Variants in AGBL4 observed in about 807,000 individuals in gnomAD.
The protein encoded by AGBL4 is cytosolic carboxypeptidase 6.
Under a neutral mutation model 66.4 loss-of-function variants are expected in AGBL4, and 58 were observed. The ratio of observed to expected loss-of-function variants is 0.87; its 90% CI spans 0.71 to 1.09. The LOEUF is 1.09. Among genes scored for constraint, AGBL4 ranks in the 50% least tolerant of loss-of-function variants. The probability of loss-of-function intolerance (pLI) is 0.00; values close to 1 mark genes in which losing one functional copy is unlikely to be tolerated. For missense variants in AGBL4, 579 were observed against 631.0 expected, an observed-to-expected ratio of 0.92 and a Z score of 0.88; for synonymous variants, 234 against 222.9, an observed-to-expected ratio of 1.05 and a Z score of -0.44.
intron 2 of AGBL4, among the ~76,000 whole-genome samples, chr1:49,807,491 CACATA>C (rs1254726163): frequency 6.6e-6 from 1 of 152,178 alleles, no homozygotes; most frequent in Non-Finnish European, 1.5e-5. Context: ...AATGTGAAAG[CACATA>C]ACATGTGTGA....
At chr1:49,783,354 G>A (rs918553293) in intron 2 of AGBL4, among the ~76,000 whole-genome samples, 1 of 152,020 alleles carries the variant, frequency 6.6e-6, no homozygotes, top group East Asian at 1.9e-4. Flanking sequence ...TTTATTCCAG[G>A]CATGCAAGGT....
At chr1:48,977,139 A>G (rs1411187871) in intron 5 of AGBL4, among the ~76,000 whole-genome samples, 4 of 152,148 alleles carry the variant, frequency 2.6e-5, no homozygotes, top group Admixed American at 2.6e-4. Context: ...AGGAAGGCTA[A>G]CAATGCATGA....
chr1:49,423,068 A>G, intron 3 of AGBL4: 1 of 152,162 alleles, frequency 6.6e-6, no homozygotes, highest in Non-Finnish European at 1.5e-5. Flanking sequence ...CTTACCTCCA[A>G]TAGGATGCAA....
intron 6 of AGBL4, among the ~76,000 whole-genome samples, chr1:48,838,607 G>A (rs1332615346): frequency 1.3e-5 from 2 of 152,068 alleles, no homozygotes; most frequent in Non-Finnish European, 1.5e-5. Context: ...TTGGGAAAAT[G>A]CTTTAGGACA....
At chr1:48,751,110 T>C (rs1651668739) in intron 6 of AGBL4, among the ~76,000 whole-genome samples, 1 of 152,134 alleles carries the variant, frequency 6.6e-6, no homozygotes, top group Admixed American at 6.5e-5. Flanking sequence ...CAGTTGTCCA[T>C]CTATAAGATA....
At chr1:49,518,208 C>A (rs1468283640) in intron 3 of AGBL4, among the ~76,000 whole-genome samples, 2 of 152,182 alleles carry the variant, frequency 1.3e-5, no homozygotes. Flanking sequence ...TTCATTCAGT[C>A]TGGAGGCCAA....
intron 5 of AGBL4, among the ~76,000 whole-genome samples, chr1:48,961,089 G>A (rs931126889): frequency 3.9e-5 from 6 of 151,940 alleles, no homozygotes; most frequent in African/African-American, 1.5e-4. Flanking sequence ...GGGTGTGTGT[G>A]TGTGTGTGTG....
intron 4 of AGBL4, among the ~76,000 whole-genome samples, chr1:49,204,904 C>T (rs1173964288): frequency 6.6e-6 from 1 of 152,088 alleles, no homozygotes; most frequent in Admixed American, 6.6e-5. Flanking sequence ...CTAATGACAT[C>T]ATAGATTCAG....
chr1:49,457,959 A>G (rs80341153), intron 3 of AGBL4, among the ~76,000 whole-genome samples: 3 of 151,720 alleles, frequency 2.0e-5, no homozygotes, highest in Admixed American at 1.3e-4. Flanking sequence ...TTTGGTGACT[A>G]TGACCTTATA....
chr1:49,562,208 G>C (rs1357140514), intron 3 of AGBL4, among the ~76,000 whole-genome samples: 1 of 151,952 alleles, frequency 6.6e-6, no homozygotes, highest in Non-Finnish European at 1.5e-5. Context: ...CTGGATATTA[G>C]CCCTCTGTCA....
In AGBL4 at chr1:48,829,119, T is replaced by C. The variant is rs78187821; in HGVS notation, c.634+38072A>G. Among the ~76,000 whole-genome samples, 284 of 152,330 alleles carry C rather than the reference T, an allele frequency of 1.9e-3. 1 individual carries two copies. In the Middle Eastern group the frequency reaches 0.027, roughly 15 times the overall value. On this transcript the variant is annotated intron_variant, in intron 6 of 13. Transcript: ENST00000371839. Reference sequence around the variant, plus strand: ...TTTGGGAGCTTGTTCCTGCCACTCATCATCAGAAACAGTCATGAGCACTTG... The same window carrying C: ...TTTGGGAGCTTGTTCCTGCCACTCACCATCAGAAACAGTCATGAGCACTTG...
chr1:49,725,488 C>T (rs1189233762), intron 2 of AGBL4, among the ~76,000 whole-genome samples: 1 of 152,070 alleles, frequency 6.6e-6, no homozygotes, highest in African/African-American at 2.4e-5. Flanking sequence ...CTATGCTGGG[C>T]TGTCCAGCTC....
Position 49,475,475 on chromosome 1 carries a change from A to AT in AGBL4, c.282+221837dup, listed in dbSNP as rs757525301. Among the ~76,000 whole-genome samples, 236 of 152,028 alleles carry AT rather than the reference A, an allele frequency of 1.6e-3. 2 individuals carry two copies. The highest frequency in any genetic ancestry group is 2.8e-3 in the Non-Finnish European group (190 of 67,916). On this transcript the variant is annotated intron_variant, in intron 3 of 13. Transcript: ENST00000371839. Reference sequence around the variant, plus strand: ...TGAGTCAGAGAGGAGTCTCTCCTCAATTTTTTTGGAATTGTTTCAGTAGGA... The same window carrying AT: ...TGAGTCAGAGAGGAGTCTCTCCTCAATTTTTTTTGGAATTGTTTCAGTAGGA...
At chr1:49,855,401 G>T (rs148540914) in intron 1 of AGBL4, among the ~76,000 whole-genome samples, 1 of 152,174 alleles carries the variant, frequency 6.6e-6, no homozygotes, top group East Asian at 1.9e-4. Context: ...AGACCAAATG[G>T]ACATAACAGA....
intron 3 of AGBL4, among the ~76,000 whole-genome samples, chr1:49,476,645 A>C (rs1379439017): frequency 1.3e-5 from 2 of 152,090 alleles, no homozygotes; most frequent in Admixed American, 6.6e-5. Flanking sequence ...TGAACACATT[A>C]TCATTATATA....
intron 3 of AGBL4, among the ~76,000 whole-genome samples, chr1:49,262,620 C>T (rs914759764): frequency 6.9e-6 from 1 of 144,878 alleles, no homozygotes; most frequent in Admixed American, 6.9e-5. Context: ...CATCTCACAC[C>T]AGTTAGAATG....
chr1:49,642,232 C>T (rs770822674), intron 3 of AGBL4, among the ~76,000 whole-genome samples: 6 of 151,922 alleles, frequency 3.9e-5, no homozygotes, highest in Non-Finnish European at 5.9e-5. Flanking sequence ...TTTTTACCTT[C>T]CTGCATGAAA....
chr1:49,635,415 A>C (rs935103040), intron 3 of AGBL4, among the ~76,000 whole-genome samples: 6 of 152,180 alleles, frequency 3.9e-5, no homozygotes, highest in Non-Finnish European at 8.8e-5. Context: ...ATTAGAATTA[A>C]GGAAATATAT....
chr1:48,548,060 C>G (rs1644192626), intron 11 of AGBL4, among the ~76,000 whole-genome samples: 1 of 152,120 alleles, frequency 6.6e-6, no homozygotes, highest in Admixed American at 6.5e-5. Flanking sequence ...TTATTTTAGA[C>G]ACTTGGGATA....
Sources: allele counts gnomAD v4.1 joint callset (sites outside exome capture counted in the v4.1 genomes callset), GRCh38; gene constraint gnomAD v4.1.1; transcripts MANE v1.5; gene names NCBI Gene and HGNC (gene_info 2026-07-23, HGNC 2026-07-21).